The following TBC1D9 variants were observed in gnomAD, a reference collection of about 807,000 sequenced individuals.
TBC1D9 encodes the protein TBC1 domain family member 9.
A neutral mutation model predicts 132.0 loss-of-function variants in TBC1D9; 63 were observed. The ratio of observed to expected loss-of-function variants is 0.48; its 90% CI spans 0.39 to 0.59. The LOEUF (loss-of-function observed/expected upper bound fraction) is 0.59, where lower values mean the gene tolerates loss of function less well. Among genes scored for constraint, TBC1D9 ranks in the 20% least tolerant of loss-of-function variants. The probability of loss-of-function intolerance (pLI) is 0.00; values close to 1 mark genes in which losing one functional copy is unlikely to be tolerated. For missense variants in TBC1D9, 1,261 were observed against 1,592.7 expected, an observed-to-expected ratio of 0.79 and a Z score of 3.54; for synonymous variants, 610 against 609.9, an observed-to-expected ratio of 1.00 and a Z score of 0.00.
intron 18 of TBC1D9, among the ~76,000 whole-genome samples, chr4:140,625,632 T>A (rs970467678): frequency 6.6e-6 from 1 of 152,178 alleles, no homozygotes; most frequent in African/African-American, 2.4e-5. Context: ...GAAAATGATG[T>A]AGGCAACAAG....
At chr4:140,754,537 C>G (rs1373463388) in intron 1 of TBC1D9, among the ~76,000 whole-genome samples, 1 of 142,136 alleles carries the variant, frequency 7.0e-6, no homozygotes, top group Admixed American at 7.8e-5. Flanking sequence ...ATCACTTGAA[C>G]CCAGGAGAAG....
intron 6 of TBC1D9, among the ~76,000 whole-genome samples, chr4:140,676,654 T>C (rs1295511728): frequency 1.3e-5 from 2 of 151,842 alleles, no homozygotes; most frequent in African/African-American, 4.8e-5. Context: ...CTGTCTCTAA[T>C]AAAATAAAAT....
intron 15 of TBC1D9, among the ~76,000 whole-genome samples, chr4:140,637,390 C>A (rs1736898160): frequency 1.3e-5 from 2 of 151,974 alleles, no homozygotes; most frequent in African/African-American, 4.8e-5. Flanking sequence ...TCAATGACTA[C>A]CAGATCCAGG....
At chr4:140,627,266 G>A (rs996615265) in intron 18 of TBC1D9, among the ~76,000 whole-genome samples, 175 bp downstream of exon 18, 2 of 152,188 alleles carry the variant, frequency 1.3e-5, no homozygotes, top group South Asian at 2.1e-4. Flanking sequence ...GTGGGCTGAG[G>A]TACCTACTGC....
chr4:140,662,728 C>G (rs977144633), intron 9 of TBC1D9, among the ~76,000 whole-genome samples: 2 of 152,112 alleles, frequency 1.3e-5, no homozygotes, highest in African/African-American at 4.8e-5. Context: ...GAGGGTTATA[C>G]TGAGAATCAT....
intron 1 of TBC1D9, among the ~76,000 whole-genome samples, chr4:140,723,956 T>C (rs1403298738): frequency 2.6e-5 from 4 of 152,122 alleles, no homozygotes; most frequent in African/African-American, 9.7e-5. Context: ...TTGCCTAGGC[T>C]GGTCTCAAGC....
At chr4:140,632,747 C>T (rs1006131129) in intron 16 of TBC1D9, among the ~76,000 whole-genome samples, 1 of 152,140 alleles carries the variant, frequency 6.6e-6, no homozygotes, top group African/African-American at 2.4e-5. Context: ...GAATCAAACA[C>T]AAACTTTATA....
Position 140,661,954 on chromosome 4 carries a change from G to C in TBC1D9, c.1742C>G (p.Ala581Gly), listed in dbSNP as rs1737368027. 6.2e-7 allele frequency: 1 copy of C among 1,614,022 alleles called. No homozygotes were observed. The highest frequency in any genetic ancestry group is 8.5e-7 in the Non-Finnish European group (1 of 1,179,898). The change falls in exon 10 of 21, where the codon GCT (alanine) becomes GGT (glycine). Residue 581 changes from alanine to glycine, a missense_variant. By Grantham distance (60) the Ala-to-Gly change is moderately conservative. Coordinates refer to ENST00000442267, the MANE Select transcript of TBC1D9 (RefSeq NM_015130.3). ...HPAFQNEMGIAALRRVLTAYA... is the reference protein window; with the variant it reads ...HPAFQNEMGIGALRRVLTAYA... Reference sequence around the variant, plus strand: ...AGCTGTTAAGACTCTCCTTAGTGCAGCAATGCCCATTTCATTCTGAAAAGC... The same window carrying C: ...AGCTGTTAAGACTCTCCTTAGTGCACCAATGCCCATTTCATTCTGAAAAGC...
At chr4:140,713,616 G>A (rs1160216053) in intron 1 of TBC1D9, among the ~76,000 whole-genome samples, 3 of 151,996 alleles carry the variant, frequency 2.0e-5, no homozygotes, top group Non-Finnish European at 4.4e-5. Context: ...GTGCATGCCT[G>A]TAGTTCCAGC....
At position 140,622,299 on chromosome 4, in the gene TBC1D9, G is replaced by C; in HGVS notation, c.3697C>G (p.Pro1233Ala). Residue 1233 changes from proline to alanine, a missense_variant, in exon 21 of 21, where the codon CCC (proline) becomes GCC (alanine). Coordinates refer to ENST00000442267, the MANE Select transcript of TBC1D9 (RefSeq NM_015130.3). ...EPALVKYFDK[P>A]VCMMARITSA... ...GTAATCCTGGCCATCATGCACACGG[G>C]CTTGTCAAAGTACTTGACCAGGGCA... The C allele has an allele frequency of 1.2e-6, 2 of 1,613,404 alleles. No homozygotes were observed. The highest frequency in any genetic ancestry group is 1.1e-5 in the South Asian group (1 of 91,042).
chr4:140,628,856 T>A (rs1431704942), intron 16 of TBC1D9, among the ~76,000 whole-genome samples: 1 of 152,222 alleles, frequency 6.6e-6, no homozygotes, highest in Non-Finnish European at 1.5e-5. Flanking sequence ...TCCTTTTTAA[T>A]TGTTTTTGAG....
intron 5 of TBC1D9, 93 bp downstream of exon 5, chr4:140,678,849 C>G: frequency 6.9e-7 from 1 of 1,452,598 alleles, no homozygotes; most frequent in Non-Finnish European, 9.4e-7. Flanking sequence ...GTTCAGAACC[C>G]TTGAAGATCG....
chr4:140,626,958 T>G (rs6823073), intron 18 of TBC1D9, among the ~76,000 whole-genome samples: 34,992 of 152,184 alleles, frequency 0.23, 5,420 homozygotes, highest in African/African-American at 0.44. Context: ...AATATTTTAC[T>G]TTTGATTTTT....
intron 13 of TBC1D9, among the ~76,000 whole-genome samples, chr4:140,645,806 C>G (rs1463090700): frequency 6.6e-6 from 1 of 152,216 alleles, no homozygotes; most frequent in Non-Finnish European, 1.5e-5. Flanking sequence ...GGCTCCCTGC[C>G]AGCCACGGCC....
intron 1 of TBC1D9, among the ~76,000 whole-genome samples, chr4:140,750,862 A>AT (rs890237834): frequency 1.7e-4 from 25 of 148,862 alleles, no homozygotes; most frequent in East Asian, 3.9e-4. Context: ...CGACTTACAA[A>AT]TTTTTTTTTT....
intron 9 of TBC1D9, among the ~76,000 whole-genome samples, chr4:140,666,161 T>G (rs1737440627): frequency 6.6e-6 from 1 of 152,160 alleles, no homozygotes; most frequent in African/African-American, 2.4e-5. Flanking sequence ...TATGATATGG[T>G]GGAACCTTGA....
intron 9 of TBC1D9, among the ~76,000 whole-genome samples, chr4:140,663,157 C>T: frequency 6.6e-6 from 1 of 151,986 alleles, no homozygotes; most frequent in Non-Finnish European, 1.5e-5. Context: ...GATAAGGGGT[C>T]AATATACAAA....
intron 6 of TBC1D9, among the ~76,000 whole-genome samples, chr4:140,675,725 A>T (rs755267619): frequency 3.9e-5 from 6 of 152,194 alleles, no homozygotes; most frequent in Non-Finnish European, 7.4e-5. Flanking sequence ...TGGACTCAGG[A>T]ATCTACCATT....
intron 18 of TBC1D9, 60 bp from the exon 19 acceptor site, chr4:140,624,448 A>G: frequency 6.8e-7 from 1 of 1,463,200 alleles, no homozygotes; most frequent in East Asian, 2.3e-5. Flanking sequence ...CCATGGAATT[A>G]GCATTTGTAG....
Sources: gnomAD v4.1 joint callset for allele counts (sites outside exome capture counted in the v4.1 genomes callset) on GRCh38, gnomAD v4.1.1 for gene constraint, MANE v1.5 for transcripts, NCBI Gene and HGNC (gene_info 2026-07-23, HGNC 2026-07-21) for gene names.